The following VWA8 variants were observed in gnomAD, a reference collection of about 807,000 sequenced individuals.
VWA8 encodes von Willebrand factor A domain-containing protein 8.
VWA8 carries 221 observed loss-of-function variants against 241.5 expected under a neutral mutation model. The observed-to-expected ratio is 0.91, with a 90% CI of 0.82 to 1.02. The LOEUF (loss-of-function observed/expected upper bound fraction) is 1.02. Ranked by LOEUF, VWA8 falls within the 50% of genes least tolerant of loss-of-function variation. The pLI, the probability that VWA8 is intolerant of heterozygous loss-of-function variation, is 0.00. For synonymous variants in VWA8, 852 were observed against 827.1 expected, an observed-to-expected ratio of 1.03 and a Z score of -0.52; for missense variants, 2,322 against 2,328.7, an observed-to-expected ratio of 1.00 and a Z score of 0.06.
chr13:41,586,840 A>T (rs17637352), intron 42 of VWA8, among the ~76,000 whole-genome samples: 4,506 of 152,290 alleles, frequency 0.03, 78 homozygotes, highest in East Asian at 0.05. Flanking sequence ...GATAATAATT[A>T]CATGGCATGT....
chr13:41,670,564 C>T (rs1171873007), intron 37 of VWA8, among the ~76,000 whole-genome samples: 4 of 152,028 alleles, frequency 2.6e-5, no homozygotes, highest in Non-Finnish European at 5.9e-5. Context: ...TATTCTAGTT[C>T]CTAAATGTTT....
chr13:41,677,334 G>C (rs374519529), intron 35 of VWA8, among the ~76,000 whole-genome samples: 5 of 152,176 alleles, frequency 3.3e-5, no homozygotes, highest in African/African-American at 1.2e-4. Context: ...CCACAGCCCT[G>C]AGTAACCATC....
intron 4 of VWA8, 69 bp downstream of exon 4, chr13:41,907,517 C>A: frequency 7.3e-7 from 1 of 1,378,872 alleles, no homozygotes; most frequent in South Asian, 1.2e-5. Flanking sequence ...TACTCTCTTT[C>A]TACTTTAAAA....
intron 42 of VWA8, among the ~76,000 whole-genome samples, chr13:41,586,798 G>A (rs1218090367): frequency 1.3e-5 from 2 of 152,138 alleles, no homozygotes; most frequent in Non-Finnish European, 2.9e-5. Context: ...ATATCTGCAC[G>A]TGCATACAGC....
intron 9 of VWA8, among the ~76,000 whole-genome samples, chr13:41,883,172 CCT>C (rs1874345635): frequency 6.6e-6 from 1 of 152,094 alleles, no homozygotes; most frequent in Admixed American, 6.6e-5. Flanking sequence ...CACACCAGCC[CCT>C]GTGTGTTTGC....
intron 26 of VWA8, among the ~76,000 whole-genome samples, chr13:41,705,278 GAA>G: frequency 6.6e-6 from 1 of 151,000 alleles, no homozygotes; most frequent in Admixed American, 6.6e-5. Context: ...TACCAGGAAA[GAA>G]TGTGTGTGTG....
chr13:41,719,254 G>A (rs1282510582), intron 26 of VWA8: 5 of 736,318 alleles, frequency 6.8e-6, no homozygotes, highest in Admixed American at 5.8e-5. Context: ...ATCTCTATGT[G>A]ATTTTCATGC....
intron 29 of VWA8, among the ~76,000 whole-genome samples, chr13:41,695,224 G>C (rs2045208829): frequency 6.6e-6 from 1 of 152,098 alleles, no homozygotes. Context: ...TCTAAACTTT[G>C]TACAGATGTA....
intron 2 of VWA8, among the ~76,000 whole-genome samples, chr13:41,937,719 G>A (rs929426025): frequency 3.3e-5 from 5 of 152,134 alleles, no homozygotes; most frequent in African/African-American, 1.2e-4. Context: ...ACTTAATGAT[G>A]CATTTCTCAG....
At chr13:41,703,812 T>C (rs1161836525) in intron 26 of VWA8, among the ~76,000 whole-genome samples, 3 of 151,374 alleles carry the variant, frequency 2.0e-5, no homozygotes, top group Admixed American at 6.6e-5. Flanking sequence ...AGTTTCACTC[T>C]TGTTGCCCAG....
At chr13:41,697,936 G>A (rs746763699) in intron 29 of VWA8, among the ~76,000 whole-genome samples, 3 of 152,008 alleles carry the variant, frequency 2.0e-5, no homozygotes, top group Non-Finnish European at 2.9e-5. Flanking sequence ...TAAAGATGAA[G>A]AGGCATGTTT....
At chr13:41,954,130 A>G (rs1878256621) in intron 1 of VWA8, among the ~76,000 whole-genome samples, 1 of 150,728 alleles carries the variant, frequency 6.6e-6, no homozygotes, top group South Asian at 2.1e-4. Flanking sequence ...ACTACACTAC[A>G]CTTTCCTCAG....
rs924116538 is a variant in VWA8 at position 41,891,697 on chromosome 13, A to T, written c.484-110T>A. On this transcript the variant is annotated intron_variant, in intron 4 of 44. Transcript: ENST00000379310. ...TGCAGTTCTTGTTATAGGGACCAGA[A>T]ATCAATAAAGCTGAGTTCCAGATCT... 7 of 1,171,974 alleles carry T rather than the reference A, an allele frequency of 6.0e-6. No individual in the cohort carries two copies. In the South Asian group the frequency reaches 9.0e-5, roughly 15 times the overall value. The allele number at this position is 1,171,974 out of a possible 1,614,324, so 72.6% of individuals were successfully genotyped here. A position where few individuals can be genotyped will look rare whatever the true frequency, so the allele number is the denominator to read the frequency against.
intron 1 of VWA8, among the ~76,000 whole-genome samples, chr13:41,956,398 A>G (rs963322587): frequency 6.6e-6 from 1 of 152,206 alleles, no homozygotes; most frequent in Non-Finnish European, 1.5e-5. Context: ...TTCCCACACT[A>G]GTCTATGTGC....
intron 2 of VWA8, among the ~76,000 whole-genome samples, chr13:41,937,976 C>T (rs2138148527): frequency 1.3e-5 from 2 of 152,076 alleles, no homozygotes; most frequent in African/African-American, 4.8e-5. Flanking sequence ...GCCTGGCCAA[C>T]ACGGTGAAAC....
intron 12 of VWA8, among the ~76,000 whole-genome samples, chr13:41,859,525 G>C (rs9594640): frequency 1.3e-5 from 2 of 152,152 alleles, no homozygotes; most frequent in African/African-American, 4.8e-5. Flanking sequence ...TAATTGATCA[G>C]AAGGAAAAGA....
Position 41,719,616 on chromosome 13 carries a change from G to A in VWA8, c.3091C>T (p.Pro1031Ser). 2.5e-6 allele frequency: 4 copies of A among 1,613,026 alleles called. No individual in the cohort carries two copies. The highest frequency in any genetic ancestry group is 3.4e-6 in the Non-Finnish European group (4 of 1,179,304). Residue 1031 changes from proline to serine, a missense_variant, in exon 26 of 45, where the codon CCT (proline) becomes TCT (serine). Physicochemically the swap from Pro to Ser is moderately conservative, Grantham distance 74. Transcript: ENST00000379310. ...TCCTTTGCCAGCTGCACACTGGTAG[G>A]CTTTGCTCCGATAGGTATCCCGTAT... The part of the protein sequence containing the change: ...HKYGIPIGAK[P>S]TSVQLAKELT...
At chr13:41,694,662 C>A (rs1345107049) in intron 29 of VWA8, among the ~76,000 whole-genome samples, 1 of 151,924 alleles carries the variant, frequency 6.6e-6, no homozygotes, top group Admixed American at 6.6e-5. Flanking sequence ...ATATGTACAA[C>A]GTTAAAATGA....
chr13:41,605,045 T>A, intron 40 of VWA8, 123 bp downstream of exon 40: 1 of 855,268 alleles, frequency 1.2e-6, no homozygotes, highest in Non-Finnish European at 1.8e-6. Flanking sequence ...TATGCAGACA[T>A]TTTCACACTG....
Sources: allele counts gnomAD v4.1 joint callset (sites outside exome capture counted in the v4.1 genomes callset), GRCh38; gene constraint gnomAD v4.1.1; transcripts MANE v1.5; gene names NCBI Gene and HGNC (gene_info 2026-07-23, HGNC 2026-07-21).